Variants in CCM2 observed in about 807,000 individuals in gnomAD.
CCM2 encodes the protein cerebral cavernous malformations 2 protein.
In CCM2, 25 loss-of-function variants were observed where a neutral mutation model predicts 44.9. The observed-to-expected ratio is 0.56, with a 90% CI of 0.41 to 0.78. The LOEUF (loss-of-function observed/expected upper bound fraction) is 0.78, where lower values mean the gene tolerates loss of function less well. Among genes scored for constraint, CCM2 ranks in the 30% least tolerant of loss-of-function variants. The probability of loss-of-function intolerance (pLI) is 0.00; values close to 1 mark genes in which losing one functional copy is unlikely to be tolerated. For synonymous variants in CCM2, 219 were observed against 241.1 expected (o/e 0.91, Z 0.85); for missense variants, 481 against 580.6 (o/e 0.83, Z 1.76).
At chr7:45,014,300 C>G (rs1220705995) in intron 1 of CCM2, among the ~76,000 whole-genome samples, 1 of 151,920 alleles carries the variant, frequency 6.6e-6, no homozygotes, top group African/African-American at 2.4e-5. Flanking sequence ...CCACCCATAC[C>G]CGGCTAATTT....
Position 45,073,566 on chromosome 7 carries a change from C to A in CCM2, c.910C>A (p.Leu304Met). The A allele has an allele frequency of 2.5e-6, 4 of 1,608,190 alleles. No individual in the cohort carries two copies. Among genetic ancestry groups the A allele is most frequent in the Non-Finnish European group, 3.4e-6 (4 of 1,177,046 alleles). ...SATELLQDYM[L>M]TLRTKLSSQE... ...CACTGAGCTGCTGCAGGACTACATG[C>A]TGACGGTAGGCCTCCGCTGCAGGGA... Residue 304 changes from leucine to methionine, a missense_variant, in exon 8 of 10, where the codon CTG becomes ATG. By Grantham distance (15) the Leu-to-Met change is conservative. Coordinates refer to ENST00000258781, the MANE Select transcript of CCM2 (RefSeq NM_031443.4).
chr7:45,022,965 T>C (rs1453139975), intron 1 of CCM2, among the ~76,000 whole-genome samples: 7 of 151,832 alleles, frequency 4.6e-5, no homozygotes, highest in African/African-American at 1.2e-4. Flanking sequence ...GGTCTCGAAC[T>C]CCTGAGCTCA....
chr7:45,056,084 G>A (rs1798247862), intron 2 of CCM2, among the ~76,000 whole-genome samples: 1 of 127,492 alleles, frequency 7.8e-6, no homozygotes, highest in South Asian at 2.5e-4. Flanking sequence ...TCATTTATCT[G>A]TCAATGAACA....
intron 2 of CCM2, among the ~76,000 whole-genome samples, chr7:45,061,845 C>A (rs778734831): frequency 1.4e-4 from 22 of 152,180 alleles, no homozygotes; most frequent in Non-Finnish European, 1.0e-4. Context: ...GGAGATGTTT[C>A]TCCAGTCTCA....
intron 8 of CCM2, chr7:45,073,933 C>G: frequency 3.9e-6 from 2 of 519,474 alleles, no homozygotes; most frequent in East Asian, 3.4e-5. Context: ...CCTGATTTGC[C>G]TGTGTGCCTG....
At chr7:45,064,275 A>AT (rs1798660312) in intron 3 of CCM2, among the ~76,000 whole-genome samples, 188 bp from the exon 4 acceptor site, 1 of 152,244 alleles carries the variant, frequency 6.6e-6, no homozygotes, top group South Asian at 2.1e-4. Context: ...TTCCAGAAGA[A>AT]TCTCCCAAAT....
intron 1 of CCM2, among the ~76,000 whole-genome samples, chr7:45,029,946 A>G (rs1386289117): frequency 1.3e-5 from 2 of 152,174 alleles, no homozygotes; most frequent in Non-Finnish European, 2.9e-5. Flanking sequence ...CATCTTCCAG[A>G]GTGAGTTTAG....
chr7:45,005,699 C>T (rs73694253), intron 1 of CCM2, among the ~76,000 whole-genome samples: 1,854 of 152,228 alleles, frequency 0.012, 36 homozygotes, highest in African/African-American at 0.043. Context: ...TGTGCTTAGC[C>T]CACTGAGAAG....
intron 1 of CCM2, among the ~76,000 whole-genome samples, chr7:45,001,211 T>G (rs2128708577): frequency 6.6e-6 from 1 of 152,284 alleles, no homozygotes; most frequent in South Asian, 2.1e-4. Flanking sequence ...CACCACCTTG[T>G]TTGACAGAGT....
intron 1 of CCM2, among the ~76,000 whole-genome samples, chr7:45,030,541 T>A (rs1348128838): frequency 1.3e-5 from 2 of 152,122 alleles, no homozygotes; most frequent in African/African-American, 2.4e-5. Flanking sequence ...GCTCAAGTGA[T>A]CCTCCCACCT....
intron 1 of CCM2, among the ~76,000 whole-genome samples, chr7:45,014,382 G>A (rs775608600): frequency 3.3e-5 from 5 of 151,914 alleles, no homozygotes; most frequent in South Asian, 2.1e-4. Flanking sequence ...CTCGTGATCC[G>A]CCCACCTCGG....
At chr7:45,069,746 G>A (rs1798961618) in intron 5 of CCM2, 80 bp from the exon 6 acceptor site, 2 of 1,556,750 alleles carry the variant, frequency 1.3e-6, no homozygotes, top group African/African-American at 2.7e-5. Context: ...CATCTGGGCT[G>A]CCCCAGGTAT....
At chr7:45,060,112 TGAA>T (rs932193485) in intron 2 of CCM2, among the ~76,000 whole-genome samples, 6 of 152,252 alleles carry the variant, frequency 3.9e-5, no homozygotes, top group East Asian at 1.9e-4. Context: ...TCATTCTCTC[TGAA>T]GAAGTTCTTT....
intron 1 of CCM2, among the ~76,000 whole-genome samples, chr7:45,026,822 C>T (rs553858234): frequency 2.0e-5 from 3 of 152,098 alleles, no homozygotes; most frequent in South Asian, 4.2e-4. Flanking sequence ...AGGCTGGTGT[C>T]GAACTTCTTA....
At chr7:45,054,486 T>TA (rs35483777) in intron 2 of CCM2, among the ~76,000 whole-genome samples, 38,242 of 147,176 alleles carry the variant, frequency 0.26, 5,069 homozygotes, top group Middle Eastern at 0.39. Context: ...GGATCAATAT[T>TA]AAAAAAAAAA....
chr7:45,054,965 T>C (rs1798190567), intron 2 of CCM2, among the ~76,000 whole-genome samples: 1 of 152,232 alleles, frequency 6.6e-6, no homozygotes, highest in Non-Finnish European at 1.5e-5. Flanking sequence ...TTTTTCTTTA[T>C]TGACAAAAGT....
At chr7:45,042,946 T>C (rs1797580334) in intron 2 of CCM2, among the ~76,000 whole-genome samples, 1 of 149,306 alleles carries the variant, frequency 6.7e-6, no homozygotes, top group Non-Finnish European at 1.5e-5. Context: ...TTCTCTTCTC[T>C]GCTTTCTCTT....
chr7:45,021,072 A>G (rs1253323027), intron 1 of CCM2, among the ~76,000 whole-genome samples: 1 of 152,052 alleles, frequency 6.6e-6, no homozygotes, highest in African/African-American at 2.4e-5. Context: ...GCTGTGTCAG[A>G]AGGGCAGAGG....
At chr7:45,072,150 T>C (rs1400292161) in intron 6 of CCM2, 1 of 342,102 alleles carries the variant, frequency 2.9e-6, no homozygotes, top group Non-Finnish European at 5.7e-6. Context: ...AATAGCAAAT[T>C]ACAGTCTGTG....
Sources: gnomAD v4.1 joint callset for allele counts (sites outside exome capture counted in the v4.1 genomes callset) on GRCh38, gnomAD v4.1.1 for gene constraint, MANE v1.5 for transcripts, NCBI Gene and HGNC (gene_info 2026-07-23, HGNC 2026-07-21) for gene names.